Variants in VASN observed in about 807,000 individuals in gnomAD.
VASN encodes the protein vasorin.
A neutral mutation model predicts 4.8 loss-of-function variants in VASN; 5 were observed. The observed-to-expected ratio is 1.03, with a 90% confidence interval of 0.54 to 2.17. The LOEUF is 2.17. Ranked by LOEUF, VASN falls within the 30% of genes most tolerant of loss-of-function variation. The probability of loss-of-function intolerance (pLI) is 0.01; values close to 1 mark genes in which losing one functional copy is unlikely to be tolerated. For synonymous variants in VASN, 499 were observed against 460.8 expected, an observed-to-expected ratio of 1.08 and a Z score of -1.06; for missense variants, 927 against 948.8, an observed-to-expected ratio of 0.98 and a Z score of 0.30.
chr16:4,374,546 C>T (rs2054650481), intron 1 of VASN, among the ~76,000 whole-genome samples: 1 of 152,228 alleles, frequency 6.6e-6, no homozygotes, highest in South Asian at 2.1e-4. Flanking sequence ...AGCCGGCCTA[C>T]ACCGGGAAGG....
intron 1 of VASN, among the ~76,000 whole-genome samples, chr16:4,373,690 T>C (rs942192663): frequency 1.3e-5 from 2 of 152,074 alleles, no homozygotes; most frequent in African/African-American, 4.8e-5. Context: ...CTGGGACAAG[T>C]CCCAAGTACA....
chr16:4,382,411 C>T lies in VASN; in HGVS notation c.1534C>T (p.Arg512Ter), dbSNP rs2055018393. The T allele has an allele frequency of 1.2e-6, 2 of 1,611,658 alleles. No individual in the cohort carries two copies. Among genetic ancestry groups the T allele is most frequent in the South Asian group, 1.1e-5 (1 of 90,908 alleles). ...SGPDKRLVTL[R>*]LPASLAEYTV... ...CCCTGATAAGCGGCTGGTGACGCTG[C>T]GACTGCCTGCCTCGCTCGCTGAGTA... The change falls in exon 2 of 2, where the codon CGA (arginine) becomes TGA (stop). Residue 512 changes from arginine to a stop codon, truncating the protein, a stop_gained. Coordinates refer to ENST00000304735, the MANE Select transcript of VASN (RefSeq NM_138440.3). LOFTEE classifies it high-confidence loss of function.
Position 4,382,471 on chromosome 16 carries a change from TC to T in VASN, c.1596del (p.Val533SerfsTer95). On this transcript the variant is annotated frameshift_variant, in exon 2 of 2. Transcript: ENST00000304735. LOFTEE classifies it high-confidence loss of function. ...VTQLRPNATYSVCVMPLGPGR... is the reference protein window; with the variant it reads ...VTQLRPNATYXVCVMPLGPGR... ...CCAGCTGCGGCCCAACGCCACTTAC[TC>T]CGTCTGTGTCATGCCTTTGGGGCCC... 1 of 1,605,662 alleles carries T rather than the reference TC, an allele frequency of 6.2e-7. No individual in the cohort carries two copies.
intron 1 of VASN, among the ~76,000 whole-genome samples, chr16:4,377,116 T>C (rs944761766): frequency 6.6e-6 from 1 of 152,050 alleles, no homozygotes; most frequent in Admixed American, 6.5e-5. Context: ...CCTATGCCAG[T>C]TACTGTGCCA....
chr16:4,376,517 C>T (rs2054736937), intron 1 of VASN, among the ~76,000 whole-genome samples: 1 of 152,150 alleles, frequency 6.6e-6, no homozygotes, highest in African/African-American at 2.4e-5. Flanking sequence ...CCAAGCCTGT[C>T]CCCTACTCAG....
In VASN at chr16:4,381,910, G is replaced by T; in HGVS notation, c.1033G>T (p.Ala345Ser). The T allele has an allele frequency of 6.2e-7, 1 of 1,605,848 alleles. No individual in the cohort carries two copies. The highest frequency in any genetic ancestry group is 1.1e-5 in the South Asian group (1 of 90,798). The stretch of plus-strand genomic sequence containing the variant: ...CCGGCTGCTCCTGGAGCTTGACTAC[G>T]CCGACTTTGGCTGCCCAGCCACCAC... ...AGRLLLELDY[A>S]DFGCPATTTT... Residue 345 changes from alanine (A) to serine (S), a missense_variant, in exon 2 of 2, where the codon GCC becomes TCC. By Grantham distance (99) the Ala-to-Ser change is moderately conservative. Transcript: ENST00000304735.
intron 1 of VASN, among the ~76,000 whole-genome samples, chr16:4,377,041 G>A (rs977636547): frequency 1.3e-5 from 2 of 152,170 alleles, no homozygotes; most frequent in Non-Finnish European, 2.9e-5. Flanking sequence ...CGAGCACCAC[G>A]AGCAGCGCCC....
chr16:4,376,537 C>G (rs993085392), intron 1 of VASN, among the ~76,000 whole-genome samples: 5 of 152,150 alleles, frequency 3.3e-5, no homozygotes, highest in African/African-American at 7.2e-5. Context: ...GCAGGCACAC[C>G]GCCTGCCCCA....
chr16:4,381,784 G>T lies in VASN; in HGVS notation c.907G>T (p.Val303Leu). The change falls in exon 2 of 2, where the codon GTG becomes TTG. Residue 303 changes from valine to leucine, a missense_variant. Val to Leu is a conservative substitution (Grantham distance 32). Transcript: ENST00000304735. ...AGCTGCCCGCAACCCCTTCAACTGC[G>T]TGTGCCCCCTGAGCTGGTTTGGCCC... ...LAAARNPFNC[V>L]CPLSWFGPWV... 1 of 1,600,832 alleles carries T rather than the reference G, an allele frequency of 6.2e-7. No homozygotes were observed. Among genetic ancestry groups the T allele is most frequent in the Non-Finnish European group, 8.5e-7 (1 of 1,179,366 alleles).
chr16:4,372,212 G>A lies in VASN; in HGVS notation c.-10+219G>A, dbSNP rs570713578. ...CGACAGCCCCGCGGCCGGCCAGGGTGCGCGCCTGAGTGTGCGGTGAGCCCG... is the reference window on the plus strand; with the variant it reads ...CGACAGCCCCGCGGCCGGCCAGGGTACGCGCCTGAGTGTGCGGTGAGCCCG... On this transcript the variant is annotated intron_variant, in intron 1 of 1. Transcript: ENST00000304735. Among the ~76,000 whole-genome samples, 15 of 152,250 alleles carry A rather than the reference G, an allele frequency of 9.9e-5. No individual in the cohort carries two copies. The East Asian group carries it at 2.9e-3, about 29-fold the overall frequency.
chr16:4,378,106 C>T (rs1328195991), intron 1 of VASN, among the ~76,000 whole-genome samples: 1 of 152,200 alleles, frequency 6.6e-6, no homozygotes, highest in Non-Finnish European at 1.5e-5. Context: ...CAGCACGTGC[C>T]CCTAAGAGCT....
intron 1 of VASN, among the ~76,000 whole-genome samples, chr16:4,374,068 G>GGGGGAGA (rs2054627134): frequency 6.7e-6 from 1 of 150,162 alleles, no homozygotes; most frequent in Non-Finnish European, 1.5e-5. Context: ...TGAGTTCTTG[G>GGGGGAGA]AGAAGGGGGA....
chr16:4,373,609 C>G (rs1346904042), intron 1 of VASN, among the ~76,000 whole-genome samples: 2 of 152,294 alleles, frequency 1.3e-5, no homozygotes, highest in East Asian at 3.9e-4. Context: ...AAGGGAGATG[C>G]CCCGGGCAGG....
In VASN at chr16:4,381,718, G is replaced by A. The variant is rs2054978428; in HGVS notation, c.841G>A (p.Gly281Ser). The change falls in exon 2 of 2, where the codon GGC (glycine) becomes AGC (serine). Residue 281 changes from glycine (G) to serine (S), a missense_variant. By Grantham distance (56) the Gly-to-Ser change is moderately conservative. Transcript: ENST00000304735. ...CAACCTAAGCCTGCAGGCCCTGCCT[G>A]GCGACCTCTCGGGCCTCTTCCCCCG... ...VSNLSLQALP[G>S]DLSGLFPRLR... is the part of the protein sequence containing the mutation. 15 of 1,606,870 alleles carry A rather than the reference G, an allele frequency of 9.3e-6. No homozygotes were observed. Among genetic ancestry groups the A allele is most frequent in the Non-Finnish European group, 1.2e-5 (14 of 1,179,426 alleles).
At chr16:4,379,880 TAAA>T (rs34020450) in intron 1 of VASN, among the ~76,000 whole-genome samples, 5 of 109,206 alleles carry the variant, frequency 4.6e-5, no homozygotes, top group African/African-American at 3.7e-5. Flanking sequence ...CTGTCTCTAC[TAAA>T]AAAAAAAAAA....
rs201568220 is a variant in VASN, at chr16:4,382,429, G to T, written c.1552G>T (p.Ala518Ser). ...GACGCTGCGACTGCCTGCCTCGCTCGCTGAGTACACGGTCACCCAGCTGCG... is the reference window on the plus strand; with the variant it reads ...GACGCTGCGACTGCCTGCCTCGCTCTCTGAGTACACGGTCACCCAGCTGCG... ...LVTLRLPASLAEYTVTQLRPN... is the reference protein window; with the variant it reads ...LVTLRLPASLSEYTVTQLRPN... The change falls in exon 2 of 2, where the codon GCT (alanine) becomes TCT (serine). Residue 518 changes from alanine (A) to serine (S), a missense_variant. Ala to Ser is a moderately conservative substitution (Grantham distance 99). Coordinates refer to ENST00000304735, the MANE Select transcript of VASN (RefSeq NM_138440.3). 1.2e-6 allele frequency: 2 copies of T among 1,610,966 alleles called. No homozygotes were observed. The highest frequency in any genetic ancestry group is 3.3e-5 in the Admixed American group (2 of 59,826).
rs374950103 is a variant in VASN at position 4,382,627 on chromosome 16, G to A, written c.1750G>A (p.Ala584Thr). ...LPLLIAPALAAVLLAALAAVG... is the reference protein window; with the variant it reads ...LPLLIAPALATVLLAALAAVG... ...GCTCCTCATTGCGCCCGCCCTGGCC[G>A]CGGTGCTCCTGGCCGCGCTGGCTGC... Residue 584 changes from alanine (A) to threonine (T), a missense_variant, in exon 2 of 2, where the codon GCG (alanine) becomes ACG (threonine). Ala to Thr is a moderately conservative substitution (Grantham distance 58). Transcript: ENST00000304735. 1.5e-4 allele frequency: 240 copies of A among 1,571,692 alleles called. No individual in the cohort carries two copies. The highest frequency in any genetic ancestry group is 5.0e-4 in the Middle Eastern group (3 of 5,968).
chr16:4,381,896 T>C lies in VASN; in HGVS notation c.1019T>C (p.Leu340Pro). The change falls in exon 2 of 2, where the codon CTG becomes CCG. Residue 340 changes from leucine to proline, a missense_variant. Coordinates refer to ENST00000304735, the MANE Select transcript of VASN (RefSeq NM_138440.3). ...CCCAAGAACGCTGGCCGGCTGCTCC[T>C]GGAGCTTGACTACGCCGACTTTGGC... Reference protein sequence around the residue: ...FPPKNAGRLLLELDYADFGCP... With the variant: ...FPPKNAGRLLPELDYADFGCP... 1 of 1,605,946 alleles carries C rather than the reference T, an allele frequency of 6.2e-7. No homozygotes were observed. Among genetic ancestry groups the C allele is most frequent in the Non-Finnish European group, 8.5e-7 (1 of 1,179,406 alleles).
rs112000476 is a variant in VASN at position 4,376,462 on chromosome 16, C to T, written c.-9-4407C>T. Among the ~76,000 whole-genome samples the T allele has an allele frequency of 6.2e-3, 937 of 152,296 alleles. 11 individuals carry two copies. Among genetic ancestry groups the T allele is most frequent in the African/African-American group, 0.021 (885 of 41,562 alleles). ...TGTCCTGCACCCACGCTGAAGCATA[C>T]GGCACAGGAGGGGCGTACTGGCCTC... On this transcript the variant is annotated intron_variant, in intron 1 of 1. Coordinates refer to ENST00000304735, the MANE Select transcript of VASN (RefSeq NM_138440.3).
Sources: gnomAD v4.1 joint callset for allele counts (sites outside exome capture counted in the v4.1 genomes callset) on GRCh38, gnomAD v4.1.1 for gene constraint, MANE v1.5 for transcripts, NCBI Gene and HGNC (gene_info 2026-07-23, HGNC 2026-07-21) for gene names.